Variants in CEP112 observed in about 807,000 individuals in gnomAD.
The protein encoded by CEP112 is centrosomal protein 112, also known as centrosomal protein of 112 kDa.
In CEP112, 127 loss-of-function variants were observed where a neutral mutation model predicts 153.0. The ratio of observed to expected loss-of-function variants is 0.83; its 90% CI spans 0.72 to 0.96. The LOEUF (loss-of-function observed/expected upper bound fraction) is 0.96, where lower values mean the gene tolerates loss of function less well. CEP112 is among the 40% of genes least tolerant of loss of function. CEP112 has a pLI of 0.00. For synonymous variants in CEP112, 358 were observed against 374.4 expected, an observed-to-expected ratio of 0.96 and a Z score of 0.51; for missense variants, 1,089 against 1,101.2, an observed-to-expected ratio of 0.99 and a Z score of 0.16.
intron 24 of CEP112, among the ~76,000 whole-genome samples, chr17:65,660,316 CTTCCTTT>C (rs2046296033): frequency 9.1e-6 from 1 of 110,160 alleles, no homozygotes. Context: ...CTCTTTCTTT[CTTCCTTT>C]CTTTCTCTTT....
chr17:66,079,458 G>C (rs1406877743), intron 8 of CEP112, among the ~76,000 whole-genome samples: 1 of 152,076 alleles, frequency 6.6e-6, no homozygotes, highest in African/African-American at 2.4e-5. Context: ...ACATACTATT[G>C]AGCAAAAGAA....
chr17:65,777,049 A>G (rs2053720355), intron 21 of CEP112, among the ~76,000 whole-genome samples: 1 of 152,232 alleles, frequency 6.6e-6, no homozygotes, highest in Non-Finnish European at 1.5e-5. Context: ...AATAAAGACT[A>G]CATTTTCCAG....
chr17:65,975,660 T>C (rs2063006278), intron 17 of CEP112, among the ~76,000 whole-genome samples: 1 of 151,620 alleles, frequency 6.6e-6, no homozygotes, highest in Non-Finnish European at 1.5e-5. Flanking sequence ...CATATAAAAA[T>C]GTGTGTGATA....
At chr17:65,921,229 A>G (rs2060716887) in intron 19 of CEP112, among the ~76,000 whole-genome samples, 1 of 152,026 alleles carries the variant, frequency 6.6e-6, no homozygotes, top group Admixed American at 6.6e-5. Context: ...ATCTACTCCT[A>G]TTTCCTTATC....
At chr17:66,083,596 T>G (rs912408069) in intron 8 of CEP112, among the ~76,000 whole-genome samples, 1 of 152,124 alleles carries the variant, frequency 6.6e-6, no homozygotes, top group African/African-American at 2.4e-5. Context: ...CGCCTGTAAT[T>G]CTAGCACTTT....
intron 6 of CEP112, among the ~76,000 whole-genome samples, chr17:66,099,288 G>C (rs901470711): frequency 6.6e-6 from 1 of 152,160 alleles, no homozygotes; most frequent in Admixed American, 6.5e-5. Flanking sequence ...CAGATCACCT[G>C]CAGTCAGGAG....
At chr17:66,138,289 G>A (rs1051625526) in intron 4 of CEP112, among the ~76,000 whole-genome samples, 1 of 152,192 alleles carries the variant, frequency 6.6e-6, no homozygotes, top group Non-Finnish European at 1.5e-5. Context: ...ATCATGATAG[G>A]TGAGGGGTCT....
intron 20 of CEP112, among the ~76,000 whole-genome samples, chr17:65,868,045 A>C (rs2058541670): frequency 1.3e-5 from 2 of 151,880 alleles, no homozygotes; most frequent in South Asian, 4.1e-4. Context: ...GTATTAATAA[A>C]TTTTTTAAAT....
At position 65,952,723 on chromosome 17, in the gene CEP112, A is replaced by G. The variant is rs114563988; in HGVS notation, c.1872+8740T>C. 5.3e-3 allele frequency among the ~76,000 whole-genome samples: 811 copies of G among 152,310 alleles called. 11 individuals are homozygous for G. Among genetic ancestry groups the G allele is most frequent in the African/African-American group, 0.018 (749 of 41,572 alleles). ...TGTGGCTATACTATTTTATGTACCC[A>G]TCAGCAGTGTATAAGAGCTTCAATT... On this transcript the variant is annotated intron_variant, in intron 18 of 26. Transcript: ENST00000535342.
At chr17:65,937,505 C>T (rs1355798572) in intron 18 of CEP112, among the ~76,000 whole-genome samples, 28 of 133,764 alleles carry the variant, frequency 2.1e-4, no homozygotes, top group East Asian at 2.7e-4. Flanking sequence ...GCCTGGCAAC[C>T]GCCCCGTCTG....
chr17:65,786,225 C>G (rs1179668918), intron 21 of CEP112, among the ~76,000 whole-genome samples: 1 of 151,826 alleles, frequency 6.6e-6, no homozygotes, highest in Non-Finnish European at 1.5e-5. Context: ...TTGTTTACTC[C>G]TAGGGTATTG....
chr17:66,093,192 A>G (rs2068209137), intron 8 of CEP112, among the ~76,000 whole-genome samples: 1 of 152,038 alleles, frequency 6.6e-6, no homozygotes, highest in South Asian at 2.1e-4. Flanking sequence ...AATTATATAT[A>G]TATATGGCAC....
chr17:66,108,687 C>G (rs1253949511), intron 6 of CEP112, among the ~76,000 whole-genome samples: 1 of 152,076 alleles, frequency 6.6e-6, no homozygotes, highest in Non-Finnish European at 1.5e-5. Flanking sequence ...AGTACAGCCA[C>G]TATGGAAAAC....
At chr17:66,126,374 C>T (rs2146495758) in intron 6 of CEP112, among the ~76,000 whole-genome samples, 1 of 151,784 alleles carries the variant, frequency 6.6e-6, no homozygotes. Flanking sequence ...AGTTTTTTTT[C>T]AAATGGGTAC....
At chr17:65,703,634 T>C (rs1239586714) in intron 23 of CEP112, among the ~76,000 whole-genome samples, 3 of 149,982 alleles carry the variant, frequency 2.0e-5, no homozygotes, top group Non-Finnish European at 4.4e-5. Flanking sequence ...CCTCTACGTT[T>C]TGCCACCAAT....
chr17:65,779,826 T>G (rs2053900007), intron 21 of CEP112, among the ~76,000 whole-genome samples: 2 of 152,152 alleles, frequency 1.3e-5, no homozygotes, highest in South Asian at 4.1e-4. Flanking sequence ...TGAGAAGTGT[T>G]GTAGTGTATG....
At chr17:65,993,506 A>G (rs1003013122) in intron 17 of CEP112, among the ~76,000 whole-genome samples, 3 of 152,222 alleles carry the variant, frequency 2.0e-5, no homozygotes, top group Non-Finnish European at 4.4e-5. Context: ...TACCCAGCAG[A>G]AGTGTGTATA....
chr17:65,902,096 C>G (rs1422302409), intron 20 of CEP112, 56 bp downstream of exon 20: 2 of 1,271,280 alleles, frequency 1.6e-6, no homozygotes, highest in South Asian at 1.4e-5. Flanking sequence ...AAACATTAAA[C>G]GCTGATGACT....
rs369745977 is a variant in CEP112, at chr17:65,926,713, A to AAATAATAATAATAAT, written c.1980+854_1980+868dup. ...GGGTGAGAGAGTGAGACTCCTTCTC[A>AAATAATAATAATAAT]AATAATAATAATAATAATAATAATA... On this transcript the variant is annotated intron_variant, in intron 19 of 26. Transcript: ENST00000535342. 5.1e-3 allele frequency among the ~76,000 whole-genome samples: 771 copies of AAATAATAATAATAAT among 150,426 alleles called. 12 individuals carry two copies. The highest frequency in any genetic ancestry group is 0.018 in the African/African-American group (733 of 40,602).
Sources: allele counts gnomAD v4.1 joint callset (sites outside exome capture counted in the v4.1 genomes callset), GRCh38; gene constraint gnomAD v4.1.1; transcripts MANE v1.5; gene names NCBI Gene and HGNC (gene_info 2026-07-23, HGNC 2026-07-21).